PRKD1: variants seen among roughly 807,000 people sequenced by gnomAD.
PRKD1 encodes the protein protein kinase D1, also known as serine/threonine-protein kinase D1.
Under a neutral mutation model 95.9 loss-of-function variants are expected in PRKD1, and 63 were observed. That is an observed-to-expected ratio of 0.66 (90% CI 0.54 to 0.81). The LOEUF (loss-of-function observed/expected upper bound fraction) is 0.81, where lower values mean the gene tolerates loss of function less well. PRKD1 is among the 30% of genes least tolerant of loss of function. The pLI, the probability that PRKD1 is intolerant of heterozygous loss-of-function variation, is 0.00. For missense variants in PRKD1, 1,048 were observed against 1,165.3 expected (o/e 0.90, Z 1.47); for synonymous variants, 425 against 423.1 (o/e 1.00, Z -0.05).
intron 1 of PRKD1, among the ~76,000 whole-genome samples, chr14:29,830,699 T>G (rs557083606): frequency 1.3e-5 from 2 of 151,938 alleles, no homozygotes; most frequent in Admixed American, 1.3e-4. Flanking sequence ...GTCTCATGTG[T>G]TGGTTTTTGA....
intron 1 of PRKD1, among the ~76,000 whole-genome samples, chr14:29,849,261 T>C (rs1404067383): frequency 2.0e-5 from 3 of 152,204 alleles, no homozygotes; most frequent in Non-Finnish European, 2.9e-5. Flanking sequence ...TGTGAAGACA[T>C]GCGTGCCCGC....
At chr14:29,806,009 G>A (rs1045897300) in intron 1 of PRKD1, among the ~76,000 whole-genome samples, 2 of 152,164 alleles carry the variant, frequency 1.3e-5, no homozygotes, top group Non-Finnish European at 2.9e-5. Flanking sequence ...GTGTACTGTA[G>A]TAGTGGAGAC....
chr14:29,629,647 T>C (rs920875226), intron 10 of PRKD1, among the ~76,000 whole-genome samples: 1 of 152,072 alleles, frequency 6.6e-6, no homozygotes, highest in African/African-American at 2.4e-5. Context: ...TATTATGAAA[T>C]TTAAAAATAA....
chr14:29,666,347 G>T, intron 2 of PRKD1, 139 bp from the exon 3 acceptor site: 2 of 848,576 alleles, frequency 2.4e-6, no homozygotes, highest in East Asian at 3.1e-5. Flanking sequence ...AACACAGCTT[G>T]CACTTTCAGC....
chr14:29,916,481 A>C (rs1357004635), intron 1 of PRKD1, among the ~76,000 whole-genome samples: 1 of 152,222 alleles, frequency 6.6e-6, no homozygotes, highest in African/African-American at 2.4e-5. Context: ...CAAAGTCATC[A>C]CCAAAGATTA....
chr14:29,760,291 T>G (rs554357302), intron 1 of PRKD1, among the ~76,000 whole-genome samples: 1 of 152,032 alleles, frequency 6.6e-6, no homozygotes, highest in Admixed American at 6.6e-5. Context: ...AAACAGCGTC[T>G]GGATTTTGAA....
chr14:29,904,892 T>TA (rs45458198), intron 1 of PRKD1, among the ~76,000 whole-genome samples: 28 of 152,320 alleles, frequency 1.8e-4, no homozygotes, highest in African/African-American at 5.3e-4. Flanking sequence ...CTAAAATACT[T>TA]AGATTTGAAT....
At chr14:29,730,850 C>T (rs1161836175) in intron 1 of PRKD1, among the ~76,000 whole-genome samples, 3 of 151,780 alleles carry the variant, frequency 2.0e-5, no homozygotes, top group Admixed American at 6.6e-5. Flanking sequence ...TGGGGCTAAG[C>T]GGTGGGTGAG....
chr14:29,843,953 G>A (rs557892454), intron 1 of PRKD1, among the ~76,000 whole-genome samples: 1 of 152,252 alleles, frequency 6.6e-6, no homozygotes, highest in African/African-American at 2.4e-5. Context: ...ATCCAGTATT[G>A]TAGTAAAAAA....
intron 1 of PRKD1, among the ~76,000 whole-genome samples, chr14:29,773,812 A>T (rs1566592415): frequency 1.3e-5 from 2 of 152,226 alleles, no homozygotes. Context: ...GGCAACCTGG[A>T]AACAGTTCCA....
intron 1 of PRKD1, among the ~76,000 whole-genome samples, chr14:29,926,659 G>C (rs894517411): frequency 6.6e-6 from 1 of 152,126 alleles, no homozygotes; most frequent in Non-Finnish European, 1.5e-5. Context: ...GCAACTTTCA[G>C]GTTTTGTCGT....
At chr14:29,889,485 T>C (rs905595531) in intron 1 of PRKD1, among the ~76,000 whole-genome samples, 2 of 152,118 alleles carry the variant, frequency 1.3e-5, no homozygotes, top group Non-Finnish European at 2.9e-5. Flanking sequence ...AGGGAAGCCA[T>C]GAGTGACTGT....
chr14:29,739,361 ACC>A (rs1402655995), intron 1 of PRKD1, among the ~76,000 whole-genome samples: 12 of 151,946 alleles, frequency 7.9e-5, no homozygotes, highest in Admixed American at 7.9e-4. Context: ...TTCTGCTTAG[ACC>A]TCTCTTTTTT....
At chr14:29,672,420 C>T (rs1480623437) in intron 2 of PRKD1, among the ~76,000 whole-genome samples, 1 of 151,824 alleles carries the variant, frequency 6.6e-6, no homozygotes, top group Non-Finnish European at 1.5e-5. Flanking sequence ...GAAAATACTA[C>T]TTGAAACAAT....
chr14:29,870,886 C>T (rs1893081867), intron 1 of PRKD1, among the ~76,000 whole-genome samples: 2 of 152,200 alleles, frequency 1.3e-5, no homozygotes, highest in South Asian at 4.1e-4. Context: ...TGAATCATCA[C>T]AGACTTCTAC....
At chr14:29,911,665 C>T (rs1221595774) in intron 1 of PRKD1, among the ~76,000 whole-genome samples, 2 of 152,178 alleles carry the variant, frequency 1.3e-5, no homozygotes, top group Non-Finnish European at 2.9e-5. Context: ...GAATTTCTCA[C>T]CTTTTCTGCA....
chr14:29,703,716 G>T (rs932399662), intron 2 of PRKD1, among the ~76,000 whole-genome samples: 2 of 152,080 alleles, frequency 1.3e-5, no homozygotes, highest in African/African-American at 4.8e-5. Context: ...ATATGTTAAT[G>T]AATATATCTT....
intron 1 of PRKD1, among the ~76,000 whole-genome samples, chr14:29,829,243 T>G (rs1221793382): frequency 6.6e-6 from 1 of 152,226 alleles, no homozygotes; most frequent in Non-Finnish European, 1.5e-5. Context: ...CTTGTCTTAA[T>G]TCCTGATCTC....
chr14:29,867,327 A>G lies in PRKD1; in HGVS notation c.264+59922T>C, dbSNP rs150664946. Among the ~76,000 whole-genome samples the G allele has an allele frequency of 3.3e-3, 508 of 152,368 alleles. 4 individuals carry two copies. The highest frequency in any genetic ancestry group is 0.012 in the African/African-American group (480 of 41,594). The stretch of plus-strand genomic sequence containing the variant: ...GGGGAAAGAATCTTCAAGGAGTGAC[A>G]TTTAAATGTCACAAGATAAGACATG... On this transcript the variant is annotated intron_variant, in intron 1 of 17. Coordinates refer to ENST00000331968, the MANE Select transcript of PRKD1 (RefSeq NM_002742.3).
Sources: gnomAD v4.1 joint callset for allele counts (sites outside exome capture counted in the v4.1 genomes callset) on GRCh38, gnomAD v4.1.1 for gene constraint, MANE v1.5 for transcripts, NCBI Gene and HGNC (gene_info 2026-07-23, HGNC 2026-07-21) for gene names.